BCR: variants seen among roughly 807,000 people sequenced by gnomAD.
The protein encoded by BCR is BCR activator of RhoGEF and GTPase, also known as breakpoint cluster region protein.
A neutral mutation model predicts 138.6 loss-of-function variants in BCR; 58 were observed. That is an observed-to-expected ratio of 0.42 (90% CI 0.34 to 0.52). BCR has a LOEUF of 0.52. Among genes scored for constraint, BCR ranks in the 20% least tolerant of loss-of-function variants. BCR has a pLI of 0.06. For missense variants in BCR, 1,599 were observed against 1,727.2 expected, an observed-to-expected ratio of 0.93 and a Z score of 1.32; for synonymous variants, 786 against 730.1, an observed-to-expected ratio of 1.08 and a Z score of -1.23.
chr22:23,263,201 G>A (rs986435672), intron 4 of BCR: 12 of 915,204 alleles, frequency 1.3e-5, no homozygotes, highest in African/African-American at 3.4e-5. Context: ...GCCCGGCTGC[G>A]GGGCCAGCGC....
intron 22 of BCR, 74 bp from the exon 23 acceptor site, chr22:23,315,358 GC>G (rs1236389377): frequency 2.6e-5 from 36 of 1,389,286 alleles, no homozygotes; most frequent in Non-Finnish European, 3.7e-5. Context: ...GGAGGCTTGG[GC>G]CCCAAAGACC....
chr22:23,180,895 G>GC lies in BCR; in HGVS notation c.-65dup, dbSNP rs199698427. Reference sequence around the variant, plus strand: ...CGGCGCCCGGGGCCGGGCTGGCGAGGCGCCGCGCCGCCGCTGAGACGGGCC... The same window carrying GC: ...CGGCGCCCGGGGCCGGGCTGGCGAGGCCGCCGCGCCGCCGCTGAGACGGGCC... On this transcript the variant is annotated 5_prime_UTR_variant, in exon 1 of 23. It removes the in-frame stop codon of an upstream open reading frame in the 5' UTR. Coordinates refer to ENST00000305877, the MANE Select transcript of BCR (RefSeq NM_004327.4). 977,345 of 977,608 alleles carry GC rather than the reference G, an allele frequency of 1. 488,542 individuals are homozygous for GC. Among genetic ancestry groups the GC allele is most frequent in the Middle Eastern group, 1 (1,922 of 1,922 alleles). The allele number at this position is 977,608 out of a possible 1,614,324, so 60.6% of individuals were successfully genotyped here.
intron 1 of BCR, among the ~76,000 whole-genome samples, chr22:23,190,843 C>T (rs1296158424): frequency 6.6e-6 from 1 of 152,188 alleles, no homozygotes; most frequent in African/African-American, 2.4e-5. Context: ...TGCCATCTCT[C>T]TCCACATCCA....
intron 8 of BCR, among the ~76,000 whole-genome samples, chr22:23,275,428 G>C (rs2073564897): frequency 6.6e-6 from 1 of 152,212 alleles, no homozygotes; most frequent in South Asian, 2.1e-4. Flanking sequence ...ATGATTTAGT[G>C]GCAGTCCTCG....
chr22:23,314,490 C>A (rs1370848368), intron 21 of BCR, 62 bp from the exon 22 acceptor site: 1 of 1,584,560 alleles, frequency 6.3e-7, no homozygotes, highest in Non-Finnish European at 8.6e-7. Context: ...CACAGCCCAG[C>A]CCCTCTGCCT....
At chr22:23,291,345 T>A (rs1236681107) in intron 14 of BCR, among the ~76,000 whole-genome samples, 1 of 151,970 alleles carries the variant, frequency 6.6e-6, no homozygotes, top group Non-Finnish European at 1.5e-5. Context: ...GAGAGCAGTG[T>A]CGTGAAAAGA....
intron 1 of BCR, among the ~76,000 whole-genome samples, chr22:23,240,020 G>A (rs2073071894): frequency 6.6e-6 from 1 of 151,960 alleles, no homozygotes. Context: ...TTCTTGTTAT[G>A]TTGTCCAGGC....
At chr22:23,262,932 G>C in intron 4 of BCR, 1 of 1,105,582 alleles carries the variant, frequency 9.0e-7, no homozygotes, top group Non-Finnish European at 1.1e-6. Context: ...GGAAGCAGAG[G>C]GAGGCGGAAG....
At chr22:23,312,628 C>T in intron 19 of BCR, 1 of 537,130 alleles carries the variant, frequency 1.9e-6, no homozygotes, top group Non-Finnish European at 3.4e-6. Flanking sequence ...GGCGCTGTGT[C>T]CTGCCACGCT....
intron 1 of BCR, among the ~76,000 whole-genome samples, chr22:23,194,104 C>G (rs539216853): frequency 1.3e-5 from 2 of 152,376 alleles, no homozygotes; most frequent in South Asian, 4.1e-4. Flanking sequence ...AGTGGAAGCT[C>G]AGCGTAGCCT....
At chr22:23,213,851 G>A (rs113160958) in intron 1 of BCR, among the ~76,000 whole-genome samples, 9 of 134,128 alleles carry the variant, frequency 6.7e-5, no homozygotes, top group African/African-American at 2.7e-4. Context: ...AAAAAAAAAA[G>A]AAGAAGAAGG....
rs546998880 is a variant in BCR at position 23,258,915 on chromosome 22, A to G, written c.1462-2035A>G. ...CAGTGGAGAAGTGGACGGGGCTGTC[A>G]CAGACACCGGACCTGGCACCACCCC... On this transcript the variant is annotated intron_variant, in intron 2 of 22. Coordinates refer to ENST00000305877, the MANE Select transcript of BCR (RefSeq NM_004327.4). Among the ~76,000 whole-genome samples the G allele has an allele frequency of 5.3e-5, 8 of 152,330 alleles. No individual in the cohort carries two copies. The East Asian group carries it at 1.4e-3, about 26-fold the overall frequency.
intron 1 of BCR, among the ~76,000 whole-genome samples, chr22:23,233,049 A>G (rs1449960186): frequency 6.6e-6 from 1 of 152,268 alleles, no homozygotes; most frequent in Non-Finnish European, 1.5e-5. Context: ...GGATAGAAGC[A>G]TCTTTCCAGA....
Position 23,253,986 on chromosome 22 carries a change from T to A in BCR, c.1461+6T>A, listed in dbSNP as rs1229222222. The A allele has an allele frequency of 8.1e-6, 13 of 1,608,198 alleles. No individual in the cohort carries two copies. The highest frequency in any genetic ancestry group is 1.1e-5 in the Non-Finnish European group (13 of 1,177,466). On this transcript the variant is annotated splice_donor_region_variant and intron_variant, in intron 2 of 22. Coordinates refer to ENST00000305877, the MANE Select transcript of BCR (RefSeq NM_004327.4). ...CCCTGGAGTCCACTAAAGCGGTGAG[T>A]CCCCATGGTGTACGTGTGGCAGGAG...
intron 1 of BCR, among the ~76,000 whole-genome samples, chr22:23,224,408 CAA>C (rs2072864288): frequency 6.6e-6 from 1 of 152,180 alleles, no homozygotes; most frequent in Admixed American, 6.5e-5. Flanking sequence ...CCAGGAGAGT[CAA>C]ACTGCCGCCT....
In BCR at chr22:23,181,797, C is replaced by T. The variant is rs1156755434; in HGVS notation, c.837C>T (p.Tyr279=). Residue 279 remains tyrosine (Y), a synonymous_variant, in exon 1 of 23, where the codon TAC becomes TAT. Transcript: ENST00000305877. ...PPWPPLEYQP[Y]QSIYVGGMME... ...GGCCGCCCCTGGAGTACCAGCCCTA[C>T]CAGAGCATCTACGTCGGGGGCATGA... 5 of 1,609,450 alleles carry T rather than the reference C, an allele frequency of 3.1e-6. No individual in the cohort carries two copies. The highest frequency in any genetic ancestry group is 3.3e-4 in the Middle Eastern group (2 of 6,060).
At chr22:23,313,665 G>T (rs528408836) in intron 20 of BCR, among the ~76,000 whole-genome samples, 2 of 152,302 alleles carry the variant, frequency 1.3e-5, no homozygotes, top group South Asian at 4.1e-4. Context: ...CTCTGGGGAG[G>T]GGGTGGTGGC....
At chr22:23,221,850 G>A (rs1467734057) in intron 1 of BCR, among the ~76,000 whole-genome samples, 1 of 152,172 alleles carries the variant, frequency 6.6e-6, no homozygotes, top group Non-Finnish European at 1.5e-5. Context: ...CCAGCACTTT[G>A]CGGGGCCGAG....
chr22:23,209,350 ACT>A lies in BCR; in HGVS notation c.1279+27114_1279+27115del, dbSNP rs1168093271. Reference sequence around the variant, plus strand: ...ACTCCAGCTTGGGCTACAGAGTGAGACTCTGTCTCAAAAAAAAAGAATCTCTT... The same window carrying A: ...ACTCCAGCTTGGGCTACAGAGTGAGACTGTCTCAAAAAAAAAGAATCTCTT... On this transcript the variant is annotated intron_variant, in intron 1 of 22. Coordinates refer to ENST00000305877, the MANE Select transcript of BCR (RefSeq NM_004327.4). 2.7e-5 allele frequency among the ~76,000 whole-genome samples: 4 copies of A among 150,344 alleles called. No homozygotes were observed. The East Asian group carries it at 5.9e-4, about 22-fold the overall frequency.
Sources: gnomAD v4.1 joint callset for allele counts (sites outside exome capture counted in the v4.1 genomes callset) on GRCh38, gnomAD v4.1.1 for gene constraint, MANE v1.5 for transcripts, NCBI Gene and HGNC (gene_info 2026-07-23, HGNC 2026-07-21) for gene names.